Variants in RPTOR observed in about 807,000 individuals in gnomAD.
RPTOR encodes regulatory-associated protein of mTOR.
In RPTOR, 21 loss-of-function variants were observed where a neutral mutation model predicts 169.9. That is an observed-to-expected ratio of 0.12 (90% CI 0.09 to 0.18). The LOEUF (loss-of-function observed/expected upper bound fraction) is 0.18, where lower values mean the gene tolerates loss of function less well. RPTOR is among the 10% of genes least tolerant of loss of function. RPTOR has a pLI of 1.00. For missense variants in RPTOR, 1,133 were observed against 1,855.9 expected (o/e 0.61, Z 7.16); for synonymous variants, 732 against 753.2 (o/e 0.97, Z 0.46).
chr17:80,731,158 T>G (rs1048019372), intron 5 of RPTOR, among the ~76,000 whole-genome samples: 4 of 152,188 alleles, frequency 2.6e-5, no homozygotes, highest in Non-Finnish European at 5.9e-5. Flanking sequence ...GATTACAGGC[T>G]TGAGCACTGA....
At chr17:80,554,038 C>T (rs1438246886) in intron 1 of RPTOR, among the ~76,000 whole-genome samples, 1 of 151,852 alleles carries the variant, frequency 6.6e-6, no homozygotes, top group African/African-American at 2.4e-5. Context: ...CACCACACCC[C>T]GCTTGATGTT....
chr17:80,887,199 C>T (rs898052491), intron 17 of RPTOR, among the ~76,000 whole-genome samples: 26 of 150,764 alleles, frequency 1.7e-4, no homozygotes, highest in African/African-American at 5.9e-4. Context: ...TCCGGAGGTG[C>T]GCTGGCTCTG....
At chr17:80,561,774 G>A (rs2084499505) in intron 1 of RPTOR, among the ~76,000 whole-genome samples, 1 of 152,102 alleles carries the variant, frequency 6.6e-6, no homozygotes, top group African/African-American at 2.4e-5. Context: ...GCAGACTGGG[G>A]TGTGTGAGAA....
intron 17 of RPTOR, among the ~76,000 whole-genome samples, chr17:80,889,042 G>A (rs879323209): frequency 4.6e-5 from 7 of 152,232 alleles, no homozygotes; most frequent in Non-Finnish European, 7.3e-5. Flanking sequence ...AGGCCTGGAG[G>A]GGTTTGGGGG....
At chr17:80,718,736 TG>T in intron 4 of RPTOR, among the ~76,000 whole-genome samples, 1 of 152,306 alleles carries the variant, frequency 6.6e-6, no homozygotes, top group South Asian at 2.1e-4. Context: ...TTCTGTGCTA[TG>T]GGAGCCTGGA....
chr17:80,847,955 G>A (rs373720687), intron 11 of RPTOR, among the ~76,000 whole-genome samples: 15 of 152,324 alleles, frequency 9.8e-5, no homozygotes, highest in East Asian at 3.9e-4. Context: ...CTTCCCTTCC[G>A]CCGTTCAGTC....
chr17:80,743,147 T>C (rs777166076), intron 5 of RPTOR: 72 of 824,876 alleles, frequency 8.7e-5, no homozygotes, highest in Non-Finnish European at 1.1e-4. Flanking sequence ...TTCCCTCTCC[T>C]CCTTGTTAAC....
intron 4 of RPTOR, among the ~76,000 whole-genome samples, chr17:80,724,978 G>A (rs183422823): frequency 1.4e-4 from 22 of 152,302 alleles, no homozygotes; most frequent in East Asian, 7.7e-4. Context: ...GGGACATGCC[G>A]TTCTCTTCTT....
At chr17:80,881,632 G>A (rs2068187237) in intron 14 of RPTOR, among the ~76,000 whole-genome samples, 1 of 152,176 alleles carries the variant, frequency 6.6e-6, no homozygotes, top group South Asian at 2.1e-4. Flanking sequence ...CAGCCTGGGC[G>A]ACATGGTGAA....
intron 21 of RPTOR, among the ~76,000 whole-genome samples, chr17:80,911,667 C>A (rs373706726): frequency 1.1e-4 from 17 of 152,068 alleles, no homozygotes; most frequent in Admixed American, 8.5e-4. Flanking sequence ...CACTTGTGGT[C>A]GCAGCTACCC....
At chr17:80,771,992 CA>C (rs1418539041) in intron 6 of RPTOR, among the ~76,000 whole-genome samples, 1 of 152,180 alleles carries the variant, frequency 6.6e-6, no homozygotes, top group African/African-American at 2.4e-5. Flanking sequence ...GCTAATTTTT[CA>C]CATTTTTTGT....
chr17:80,581,354 C>A (rs772202298), intron 1 of RPTOR, among the ~76,000 whole-genome samples: 17 of 152,226 alleles, frequency 1.1e-4, no homozygotes, highest in Non-Finnish European at 1.8e-4. Context: ...AAACATTTAG[C>A]CATTCCTGTG....
intron 3 of RPTOR, among the ~76,000 whole-genome samples, chr17:80,649,175 C>T (rs569513262): frequency 6.6e-6 from 1 of 152,154 alleles, no homozygotes; most frequent in Non-Finnish European, 1.5e-5. Flanking sequence ...CTAAGTTGCC[C>T]TAGGACAGTA....
rs1159094486 is a variant in RPTOR at position 80,602,665 on chromosome 17, A to G, written c.163-23026A>G. ...TCATCCTCATTACATTTTCTGGATA[A>G]CCACGCACGGATGCGGTAGGGGACA... On this transcript the variant is annotated intron_variant, in intron 1 of 33. Coordinates refer to ENST00000306801, the MANE Select transcript of RPTOR (RefSeq NM_020761.3). The G allele has an allele frequency of 7.1e-6, 5 of 702,626 alleles. No homozygotes were observed. The East Asian group carries it at 1.3e-4, about 19-fold the overall frequency. 43.5% of individuals were successfully genotyped at this position (702,626 alleles called of 1,614,324 possible). A position where few individuals can be genotyped will look rare whatever the true frequency, so the allele number is the denominator to read the frequency against.
chr17:80,788,794 T>G (rs1470600917), intron 6 of RPTOR, among the ~76,000 whole-genome samples: 1 of 152,252 alleles, frequency 6.6e-6, no homozygotes, highest in Non-Finnish European at 1.5e-5. Context: ...ACAGCTGTGT[T>G]ATATTATCAT....
intron 1 of RPTOR, among the ~76,000 whole-genome samples, chr17:80,570,516 A>G (rs541510983): frequency 1.3e-5 from 2 of 152,004 alleles, no homozygotes; most frequent in Non-Finnish European, 2.9e-5. Flanking sequence ...GCTGGAGTGC[A>G]ATGGTGCAGT....
chr17:80,902,346 T>C (rs911259534), intron 20 of RPTOR, among the ~76,000 whole-genome samples: 1 of 152,220 alleles, frequency 6.6e-6, no homozygotes, highest in Non-Finnish European at 1.5e-5. Flanking sequence ...GCCGCTCCAC[T>C]GCACCTGCCC....
chr17:80,734,423 G>A (rs557046252), intron 5 of RPTOR, among the ~76,000 whole-genome samples: 3 of 152,234 alleles, frequency 2.0e-5, no homozygotes, highest in Admixed American at 1.3e-4. Context: ...GTTCTCCTAG[G>A]GGAAATCCTC....
intron 33 of RPTOR, 101 bp from the exon 34 acceptor site, chr17:80,964,161 G>T: frequency 9.7e-7 from 1 of 1,033,234 alleles, no homozygotes; most frequent in South Asian, 1.3e-5. Context: ...CTGAGACCCC[G>T]GCAGGAGCTG....
Sources: gnomAD v4.1 joint callset for allele counts (sites outside exome capture counted in the v4.1 genomes callset) on GRCh38, gnomAD v4.1.1 for gene constraint, MANE v1.5 for transcripts, NCBI Gene and HGNC (gene_info 2026-07-23, HGNC 2026-07-21) for gene names.